Variants in CBFA2T3 observed in about 807,000 individuals in gnomAD.
The protein encoded by CBFA2T3 is transcriptional corepressor CBFA2T3.
Under a neutral mutation model 58.6 loss-of-function variants are expected in CBFA2T3, and 31 were observed. The observed-to-expected ratio is 0.53, with a 90% CI of 0.40 to 0.71. The LOEUF is 0.71. CBFA2T3 is among the 30% of genes least tolerant of loss of function. The pLI is 0.00. For missense variants in CBFA2T3, 1,076 were observed against 963.1 expected (o/e 1.12, Z -1.55); for synonymous variants, 531 against 421.9 (o/e 1.26, Z -3.17).
intron 4 of CBFA2T3, 101 bp downstream of exon 4, chr16:88,892,135 CGCCCGGTT>C (rs1969659343): frequency 1.4e-6 from 2 of 1,450,076 alleles, no homozygotes; most frequent in African/African-American, 2.8e-5. Flanking sequence ...AGCGGGTCCA[CGCCCGGTT>C]GTCAGCGTGG....
At chr16:88,896,063 C>G (rs1969875370) in intron 3 of CBFA2T3, among the ~76,000 whole-genome samples, 1 of 152,188 alleles carries the variant, frequency 6.6e-6, no homozygotes, top group Admixed American at 6.5e-5. Flanking sequence ...AAGTCAGCCC[C>G]CCAGGGTTGC....
intron 1 of CBFA2T3, among the ~76,000 whole-genome samples, chr16:88,974,098 C>G (rs1395682393): frequency 6.6e-6 from 1 of 152,224 alleles, no homozygotes; most frequent in African/African-American, 2.4e-5. Flanking sequence ...CTACACTTGC[C>G]AGGTGGATTT....
chr16:88,952,216 C>T (rs1175809392), intron 1 of CBFA2T3, among the ~76,000 whole-genome samples: 1 of 152,232 alleles, frequency 6.6e-6, no homozygotes, highest in Non-Finnish European at 1.5e-5. Context: ...ATCTCCAAAC[C>T]GCATGCATCC....
chr16:88,945,719 G>A (rs1045976629), intron 1 of CBFA2T3, among the ~76,000 whole-genome samples: 2 of 152,152 alleles, frequency 1.3e-5, no homozygotes, highest in African/African-American at 2.4e-5. Flanking sequence ...CATTGCCGAC[G>A]GGAATGCAAA....
chr16:88,881,970 C>T (rs1008590942), intron 8 of CBFA2T3, among the ~76,000 whole-genome samples: 2 of 152,208 alleles, frequency 1.3e-5, no homozygotes, highest in Non-Finnish European at 2.9e-5. Context: ...AAAGAGGCCT[C>T]GGCACTGCTT....
At chr16:88,882,116 CG>C (rs1464217913) in intron 8 of CBFA2T3, among the ~76,000 whole-genome samples, 3 of 152,234 alleles carry the variant, frequency 2.0e-5, no homozygotes, top group African/African-American at 7.2e-5. Flanking sequence ...GCCTGGGCTG[CG>C]CTGACAGCTG....
In CBFA2T3 at chr16:88,885,846, A is replaced by C. The variant is rs1408251634; in HGVS notation, c.893+115T>G. 2.2e-6 allele frequency: 2 copies of C among 919,190 alleles called. No homozygotes were observed. The highest frequency in any genetic ancestry group is 3.3e-6 in the Non-Finnish European group (2 of 613,724). The allele number at this position is 919,190 out of a possible 1,614,324, so 56.9% of individuals were successfully genotyped here. ...TCGCCACGCTCCCTCAGCCCGAGAG[A>C]GCCGGCCGGGCTGGCTGCAGCCCCA... On this transcript the variant is annotated intron_variant, in intron 6 of 11. Coordinates refer to ENST00000268679, the MANE Select transcript of CBFA2T3 (RefSeq NM_005187.6). The surrounding 1 kb of genome is among the most constrained non-coding windows in gnomAD (Gnocchi z 5.3).
At chr16:88,967,230 G>A (rs533255279) in intron 1 of CBFA2T3, among the ~76,000 whole-genome samples, 17 of 123,744 alleles carry the variant, frequency 1.4e-4, no homozygotes, top group African/African-American at 4.0e-4. Flanking sequence ...CCCAGCCCCC[G>A]AGGTGCCACT....
chr16:88,956,780 C>A (rs1044570808), intron 1 of CBFA2T3, among the ~76,000 whole-genome samples: 43 of 152,324 alleles, frequency 2.8e-4, no homozygotes, highest in Non-Finnish European at 1.3e-4. Flanking sequence ...CTTTCCTGAC[C>A]GAGTTTGGAA....
chr16:88,900,421 CAGCCTCAGCGGCAG>C (rs986626666), intron 2 of CBFA2T3, among the ~76,000 whole-genome samples: 1 of 152,242 alleles, frequency 6.6e-6, no homozygotes, highest in Non-Finnish European at 1.5e-5. Context: ...AGCAGGCCCC[CAGCCTCAGCGGCAG>C]AGCCAGGGAG....
intron 1 of CBFA2T3, among the ~76,000 whole-genome samples, chr16:88,917,059 G>A (rs1367087491): frequency 6.7e-6 from 1 of 148,888 alleles, no homozygotes; most frequent in African/African-American, 2.5e-5. Context: ...AGGTGACACC[G>A]TGACTCTGTC....
chr16:88,879,281 C>A lies in CBFA2T3; in HGVS notation c.1651G>T (p.Asp551Tyr). ...CCGGGTGGCCCTACCTCGCTGGAGT[C>A]CTCCTGCTGGTTGATGACCGTCAGG... ...DALTVINQQE[D>Y]SSESCWNCGR... The change falls in exon 11 of 12, where the codon GAC becomes TAC. Residue 551 changes from aspartate (D) to tyrosine (Y), a missense_variant. Coordinates refer to ENST00000268679, the MANE Select transcript of CBFA2T3 (RefSeq NM_005187.6). 6.3e-7 allele frequency: 1 copy of A among 1,597,880 alleles called. No homozygotes were observed.
chr16:88,897,330 C>T (rs187776910), intron 3 of CBFA2T3, among the ~76,000 whole-genome samples: 37 of 152,320 alleles, frequency 2.4e-4, no homozygotes, highest in South Asian at 6.2e-4. Context: ...TTCTTAGAGC[C>T]GGGAGTGCCA....
intron 3 of CBFA2T3, among the ~76,000 whole-genome samples, chr16:88,895,616 C>T (rs573757621): frequency 6.6e-5 from 10 of 152,194 alleles, no homozygotes; most frequent in Admixed American, 3.3e-4. Flanking sequence ...CTTGGTGGAG[C>T]GGGGGGAACA....
chr16:88,877,120 CG>C lies in CBFA2T3; in HGVS notation c.1817del (p.Pro606ArgfsTer143). 2 of 1,547,920 alleles carry C rather than the reference CG, an allele frequency of 1.3e-6. No individual in the cohort carries two copies. The highest frequency in any genetic ancestry group is 2.4e-5 in the South Asian group (2 of 83,970). On this transcript the variant is annotated frameshift_variant, in exon 12 of 12. Transcript: ENST00000268679. LOFTEE classifies it low-confidence loss of function (END_TRUNC). ...GGGCGGCTTCGGGCGGTCCAGGCAC[CG>C]GGTCGGCCACCACGGCTGTGGGGCC... ...LQGPTAVVAD[P>X]VPGPPEAAHS... is the part of the protein sequence containing the mutation.
At chr16:88,901,156 G>T (rs1458936002) in intron 2 of CBFA2T3, among the ~76,000 whole-genome samples, 2 of 152,270 alleles carry the variant, frequency 1.3e-5, no homozygotes, top group African/African-American at 4.8e-5. Flanking sequence ...CCTGCCGGAC[G>T]AGGCAGGAAG....
intron 1 of CBFA2T3, among the ~76,000 whole-genome samples, chr16:88,941,491 C>A (rs1342145634): frequency 6.7e-6 from 1 of 148,488 alleles, no homozygotes; most frequent in African/African-American, 2.4e-5. Context: ...GGCTCCCCGC[C>A]GCCGAGAGCC....
In CBFA2T3 at chr16:88,901,613, G is replaced by C. The variant is rs1970102097; in HGVS notation, c.195C>G (p.Ser65=). The C allele has an allele frequency of 6.6e-7, 1 of 1,524,454 alleles. No individual in the cohort carries two copies. Among genetic ancestry groups the C allele is most frequent in the Admixed American group, 2.5e-5 (1 of 39,742 alleles). 94.4% of individuals were successfully genotyped at this position (1,524,454 alleles called of 1,614,324 possible). ...GGGGCTGCGTCTTCACCTCCGCTGG[G>C]GAGTCCGGCATCGCTGAGGCCTTAG... ...RKAKASAMPD[S]PAEVKTQPRS... Residue 65 remains serine, a synonymous_variant, in exon 2 of 12, where the codon TCC becomes TCG. Coordinates refer to ENST00000268679, the MANE Select transcript of CBFA2T3 (RefSeq NM_005187.6).
intron 10 of CBFA2T3, among the ~76,000 whole-genome samples, 183 bp downstream of exon 10, chr16:88,880,537 G>A (rs1372125477): frequency 6.6e-6 from 1 of 152,226 alleles, no homozygotes; most frequent in Non-Finnish European, 1.5e-5. Flanking sequence ...GGTAGCAGCT[G>A]TCCTGCCCTA....
Sources: gnomAD v4.1 joint callset for allele counts (sites outside exome capture counted in the v4.1 genomes callset) on GRCh38, gnomAD v4.1.1 for gene constraint, Gnocchi (gnomAD v3.1) non-coding constraint, MANE v1.5 for transcripts, NCBI Gene and HGNC (gene_info 2026-07-23, HGNC 2026-07-21) for gene names.